DENND4C: variants seen among roughly 807,000 people sequenced by gnomAD.
DENND4C encodes the protein DENN domain-containing protein 4C.
In DENND4C, 108 loss-of-function variants were observed where a neutral mutation model predicts 203.0. That is an observed-to-expected ratio of 0.53 (90% confidence interval 0.46 to 0.62). The LOEUF is 0.62. DENND4C is among the 20% of genes least tolerant of loss of function. The probability of loss-of-function intolerance (pLI) is 0.00; values close to 1 mark genes in which losing one functional copy is unlikely to be tolerated. For synonymous variants in DENND4C, 871 were observed against 792.4 expected (o/e 1.10, Z -1.67); for missense variants, 2,481 against 2,301.2 (o/e 1.08, Z -1.60).
intron 12 of DENND4C, among the ~76,000 whole-genome samples, chr9:19,321,418 G>T (rs1206345994): frequency 1.3e-5 from 2 of 152,050 alleles, no homozygotes; most frequent in Non-Finnish European, 1.5e-5. Flanking sequence ...GAATGGCCAT[G>T]CCCTTTATAA....
chr9:19,329,051 G>A (rs1441952306), intron 16 of DENND4C, among the ~76,000 whole-genome samples: 4 of 152,070 alleles, frequency 2.6e-5, no homozygotes, highest in Admixed American at 1.3e-4. Context: ...TTAAGTTTTA[G>A]AAAACTTAAT....
In DENND4C at chr9:19,326,205, G is replaced by T. The variant is rs765623989; in HGVS notation, c.2120+11G>T. ...GTCACCAAAGTACAGGTAGTAGGAA[G>T]TTTTAAAAGAGCTTAATGGCACAGC... On this transcript the variant is annotated intron_variant, in intron 15 of 32. Coordinates refer to ENST00000434457, the MANE Select transcript of DENND4C (RefSeq NM_001330640.2). 64 of 1,597,284 alleles carry T rather than the reference G, an allele frequency of 4.0e-5. No individual in the cohort carries two copies. Among genetic ancestry groups the T allele is most frequent in the Non-Finnish European group, 5.3e-5 (62 of 1,175,902 alleles).
intron 10 of DENND4C, among the ~76,000 whole-genome samples, chr9:19,312,046 T>C (rs905524966): frequency 2.0e-5 from 3 of 152,224 alleles, no homozygotes; most frequent in African/African-American, 4.8e-5. Context: ...ACTGTAGCGC[T>C]GTAAAATGAG....
rs576075382 is a variant in DENND4C, at chr9:19,267,369, C to G, written c.-17-8789C>G. Among the ~76,000 whole-genome samples the G allele has an allele frequency of 2.0e-4, 30 of 152,194 alleles. No homozygotes were observed. In the South Asian group the frequency reaches 5.0e-3, roughly 25 times the overall value. ...CTTATTATATAATGACCTTCTTTGT[C>G]TCTTTTTATGGTTTTTATCTTAAAA... On this transcript the variant is annotated intron_variant, in intron 1 of 32. Transcript: ENST00000434457.
Position 19,290,801 on chromosome 9 carries a change from G to C in DENND4C, c.726G>C (p.Glu242Asp). 1 of 1,613,408 alleles carries C rather than the reference G, an allele frequency of 6.2e-7. No homozygotes were observed. Among genetic ancestry groups the C allele is most frequent in the Non-Finnish European group, 8.5e-7 (1 of 1,179,644 alleles). Residue 242 changes from glutamate to aspartate, a missense_variant, in exon 5 of 33, where the codon GAG (glutamate) becomes GAC (aspartate). Transcript: ENST00000434457. Reference protein sequence around the residue: ...LFCLPMGATIECWDPETKYPL... With the variant: ...LFCLPMGATIDCWDPETKYPL... ...GCCTTCCTATGGGAGCTACTATTGA[G>C]TGCTGGGATCCTGAAACCAAATATC...
chr9:19,341,133 C>T lies in DENND4C; in HGVS notation c.3004+19C>T, dbSNP rs375097633. ...ACAGAAGGTTAAGTACTGATATTTA[C>T]GAACTTTACTTAGAATAATACCTGT... is the stretch of plus-strand genomic sequence containing the variant. On this transcript the variant is annotated intron_variant, in intron 21 of 32. Transcript: ENST00000434457. The T allele has an allele frequency of 1.1e-4, 169 of 1,581,836 alleles. No individual in the cohort carries two copies. Among genetic ancestry groups the T allele is most frequent in the Non-Finnish European group, 1.4e-4 (158 of 1,163,810 alleles).
chr9:19,273,771 A>G (rs1308889338), intron 1 of DENND4C, among the ~76,000 whole-genome samples: 2 of 152,056 alleles, frequency 1.3e-5, no homozygotes, highest in Admixed American at 6.5e-5. Flanking sequence ...TGATCTTACA[A>G]CGTGTTGAAG....
rs915946205 is a variant in DENND4C at position 19,309,896 on chromosome 9, G to A, written c.1487+4369G>A. ...GGCAGATGATACCTTTTTGACACAC[G>A]TTGAAAATATGCACAAGAAATATGA... On this transcript the variant is annotated intron_variant, in intron 10 of 32. Transcript: ENST00000434457. Among the ~76,000 whole-genome samples, 12 of 151,952 alleles carry A rather than the reference G, an allele frequency of 7.9e-5. No homozygotes were observed. The East Asian group carries it at 1.7e-3, about 22-fold the overall frequency.
intron 1 of DENND4C, among the ~76,000 whole-genome samples, chr9:19,275,304 T>C (rs1189969796): frequency 1.4e-5 from 2 of 147,508 alleles, no homozygotes; most frequent in Non-Finnish European, 3.0e-5. Flanking sequence ...TTCTCTTTTT[T>C]TTTTTTGAGA....
At chr9:19,319,687 G>A (rs1204813648) in intron 12 of DENND4C, among the ~76,000 whole-genome samples, 1 of 151,820 alleles carries the variant, frequency 6.6e-6, no homozygotes, top group East Asian at 1.9e-4. Flanking sequence ...TCAGTTTCTA[G>A]GCCCTAAAGT....
At chr9:19,272,568 T>C (rs539183061) in intron 1 of DENND4C, among the ~76,000 whole-genome samples, 1 of 152,210 alleles carries the variant, frequency 6.6e-6, no homozygotes, top group African/African-American at 2.4e-5. Flanking sequence ...GAATAGTTTT[T>C]TCAACGCAGG....
At position 19,352,557 on chromosome 9, in the gene DENND4C, C is replaced by G. The variant is rs750328800; in HGVS notation, c.4673C>G (p.Ala1558Gly). Residue 1558 changes from alanine to glycine, a missense_variant, in exon 26 of 33, where the codon GCT (alanine) becomes GGT (glycine). Physicochemically the swap from Ala to Gly is moderately conservative, Grantham distance 60. Coordinates refer to ENST00000434457, the MANE Select transcript of DENND4C (RefSeq NM_001330640.2). Reference protein sequence around the residue: ...GALVYDEEIMAGWTADDSNLN... With the variant: ...GALVYDEEIMGGWTADDSNLN... ...TTAGTTTATGATGAAGAAATTATGG[C>G]TGGATGGACAGCAGATGACTCAAAT... The G allele has an allele frequency of 6.2e-7, 1 of 1,613,752 alleles. No individual in the cohort carries two copies. The highest frequency in any genetic ancestry group is 8.5e-7 in the Non-Finnish European group (1 of 1,179,798).
intron 9 of DENND4C, among the ~76,000 whole-genome samples, chr9:19,302,851 A>G (rs1263242165): frequency 6.6e-6 from 1 of 152,150 alleles, no homozygotes; most frequent in Non-Finnish European, 1.5e-5. Flanking sequence ...CTTCTCTTAT[A>G]TATCCCCTTG....
rs553916145 is a variant in DENND4C at position 19,319,094 on chromosome 9, G to T, written c.1807+2255G>T. On this transcript the variant is annotated intron_variant, in intron 12 of 32. Coordinates refer to ENST00000434457, the MANE Select transcript of DENND4C (RefSeq NM_001330640.2). ...TGAGGCAGGAGAATCGCTTCATCCC[G>T]CGAGGCAGAAGTTGCGGTGAGCCAA... 1.9e-3 allele frequency among the ~76,000 whole-genome samples: 286 copies of T among 151,276 alleles called. 1 individual carries two copies. Among genetic ancestry groups the T allele is most frequent in the African/African-American group, 6.5e-3 (268 of 41,236 alleles).
At chr9:19,290,669 TTTAA>T (rs1836116398) in intron 4 of DENND4C, 31 bp from the exon 5 acceptor site, 1 of 1,323,306 alleles carries the variant, frequency 7.6e-7, no homozygotes, top group Admixed American at 3.4e-5. Flanking sequence ...AAAGTAACTA[TTTAA>T]AAAATTTATT....
chr9:19,257,212 C>T (rs10124732), intron 1 of DENND4C, among the ~76,000 whole-genome samples: 89,747 of 151,440 alleles, frequency 0.59, 27,071 homozygotes, highest in South Asian at 0.76. Context: ...AAAAGAAGGC[C>T]GGGTGCGGTG....
chr9:19,286,812 G>T lies in DENND4C; in HGVS notation c.349G>T (p.Val117Leu). The T allele has an allele frequency of 8.1e-7, 1 of 1,232,114 alleles. No individual in the cohort carries two copies. The highest frequency in any genetic ancestry group is 1.0e-6 in the Non-Finnish European group (1 of 987,948). 76.3% of individuals were successfully genotyped at this position (1,232,114 alleles called of 1,614,324 possible). A position where few individuals can be genotyped will look rare whatever the true frequency, so the allele number is the denominator to read the frequency against. The change falls in exon 3 of 33, where the codon GTG becomes TTG. Residue 117 changes from valine (V) to leucine (L), a missense_variant. Around this residue, in one of 3 missense-constraint regions of DENND4C, gnomAD observed 187 missense variants for 167.4 expected, o/e 1.12. Transcript: ENST00000434457. ...GKERLIPGCE[V>L]ILATPYGRCA... ...AGAACGGCTTATTCCAGGATGTGAA[G>T]TGATCCTAGCCACACCCTATGGTCG...
Position 19,324,423 on chromosome 9 carries a change from G to T in DENND4C, c.1869G>T (p.Gln623His). 6.2e-7 allele frequency: 1 copy of T among 1,612,848 alleles called. No homozygotes were observed. ...AKFYTLLSKT[Q>H]IFIRFIEECS... is the part of the protein sequence containing the mutation. ...TCTATACCCTTTTATCCAAAACACAGATTTTTATTCGTTTCATTGAAGAAT... is the reference window on the plus strand; with the variant it reads ...TCTATACCCTTTTATCCAAAACACATATTTTTATTCGTTTCATTGAAGAAT... Residue 623 changes from glutamine to histidine, a missense_variant, in exon 13 of 33, where the codon CAG (glutamine) becomes CAT (histidine). Physicochemically the swap from Gln to His is conservative, Grantham distance 24 (BLOSUM62 0). Coordinates refer to ENST00000434457, the MANE Select transcript of DENND4C (RefSeq NM_001330640.2).
At chr9:19,322,083 G>T (rs972177528) in intron 12 of DENND4C, among the ~76,000 whole-genome samples, 1 of 152,116 alleles carries the variant, frequency 6.6e-6, no homozygotes, top group African/African-American at 2.4e-5. Flanking sequence ...TCATTTCGGG[G>T]TGCGGAGGGG....
Sources: allele counts gnomAD v4.1 joint callset (sites outside exome capture counted in the v4.1 genomes callset), GRCh38; gene constraint gnomAD v4.1.1; regional missense constraint gnomAD v4.1.1; transcripts MANE v1.5; gene names NCBI Gene and HGNC (gene_info 2026-07-23, HGNC 2026-07-21).